PCDHGA8: variants seen among roughly 807,000 people sequenced by gnomAD.
The protein encoded by PCDHGA8 is protocadherin gamma-A8.
In PCDHGA8, 45 loss-of-function variants were observed where a neutral mutation model predicts 59.2. That is an observed-to-expected ratio of 0.76 (90% CI 0.60 to 0.98). PCDHGA8 has a LOEUF of 0.98. Among genes scored for constraint, PCDHGA8 ranks in the 50% least tolerant of loss-of-function variants. The pLI, the probability that PCDHGA8 is intolerant of heterozygous loss-of-function variation, is 0.00. For missense variants in PCDHGA8, 1,257 were observed against 1,196.2 expected (o/e 1.05, Z -0.75); for synonymous variants, 531 against 519.0 (o/e 1.02, Z -0.32).
chr5:141,486,637 G>A lies in PCDHGA8; in HGVS notation c.2425-8170G>A, dbSNP rs761072169. On this transcript the variant is annotated intron_variant, in intron 1 of 3. Transcript: ENST00000398604. The surrounding 1 kb of genome is among the most constrained non-coding windows in gnomAD (Gnocchi z 5.0). ...CTGACCCAGACTCTGGCTTGAATGC[G>A]CTTATCTCCTACTCACTCCTGGAGC... 3.1e-5 allele frequency: 50 copies of A among 1,613,520 alleles called. No individual in the cohort carries two copies. The highest frequency in any genetic ancestry group is 5.0e-5 in the Admixed American group (3 of 60,000).
Position 141,477,889 on chromosome 5 carries a change from A to T in PCDHGA8, c.2425-16918A>T. 1 of 1,614,152 alleles carries T rather than the reference A, an allele frequency of 6.2e-7. No homozygotes were observed. Among genetic ancestry groups the T allele is most frequent in the Admixed American group, 1.7e-5 (1 of 60,016 alleles). On this transcript the variant is annotated intron_variant, in intron 1 of 3. Coordinates refer to ENST00000398604, the MANE Select transcript of PCDHGA8 (RefSeq NM_032088.2). This position sits in a 1 kb window ranked among gnomAD's most constrained non-coding sequence, Gnocchi z 4.9. The stretch of plus-strand genomic sequence containing the variant: ...GTACCTCAGCTGGCCACCTAGTGTC[A>T]CGGGTGGTAGGCTGGGACGCGGATG...
chr5:141,448,894 G>A (rs2098614669), intron 1 of PCDHGA8, among the ~76,000 whole-genome samples: 2 of 152,098 alleles, frequency 1.3e-5, no homozygotes, highest in South Asian at 4.1e-4. Context: ...GCAGTGAGCC[G>A]AGATCGTGCC....
At chr5:141,433,604 G>A (rs2097631609) in intron 1 of PCDHGA8, among the ~76,000 whole-genome samples, 1 of 152,138 alleles carries the variant, frequency 6.6e-6, no homozygotes, top group Non-Finnish European at 1.5e-5. Flanking sequence ...GGGAGGCCGA[G>A]GCGGGTGGAT....
chr5:141,453,930 T>G (rs944390811), intron 1 of PCDHGA8, among the ~76,000 whole-genome samples: 10 of 152,242 alleles, frequency 6.6e-5, no homozygotes, highest in Non-Finnish European at 1.0e-4. Flanking sequence ...AGTCACTGTG[T>G]GCCTATAATT....
At chr5:141,492,822 C>T (rs1241767956) in intron 1 of PCDHGA8, among the ~76,000 whole-genome samples, 1 of 152,238 alleles carries the variant, frequency 6.6e-6, no homozygotes, top group Non-Finnish European at 1.5e-5. Context: ...GCACCAGCGG[C>T]CCCTTCCTCC....
intron 1 of PCDHGA8, chr5:141,415,772 T>TTA: frequency 7.5e-7 from 1 of 1,332,978 alleles, no homozygotes; most frequent in Non-Finnish European, 9.6e-7. Flanking sequence ...TTTTTTTTTT[T>TTA]ACTTTCTGGT....
At chr5:141,466,624 G>C (rs1279938026) in intron 1 of PCDHGA8, among the ~76,000 whole-genome samples, 1 of 152,038 alleles carries the variant, frequency 6.6e-6, no homozygotes, top group Non-Finnish European at 1.5e-5. Context: ...GTTTTCTTTG[G>C]AGCATTGTCT....
rs2099605485 is a variant in PCDHGA8 at position 141,485,030 on chromosome 5, G to A, written c.2425-9777G>A. 1 of 674,340 alleles carries A rather than the reference G, an allele frequency of 1.5e-6. No individual in the cohort carries two copies. Among genetic ancestry groups the A allele is most frequent in the East Asian group, 2.6e-5 (1 of 38,292 alleles). The allele number at this position is 674,340 out of a possible 1,614,324, so 41.8% of individuals were successfully genotyped here. A position where few individuals can be genotyped will look rare whatever the true frequency, so the allele number is the denominator to read the frequency against. ...CTACCCCGCCACCAGCAAAAACGGC[G>A]CGTAACCCTTGCGGCGCCGGCCGAA... On this transcript the variant is annotated intron_variant, in intron 1 of 3. Transcript: ENST00000398604. The surrounding 1 kb of genome is among the most constrained non-coding windows in gnomAD (Gnocchi z 5.7).
intron 3 of PCDHGA8, 96 bp downstream of exon 3, chr5:141,505,577 G>C: frequency 2.5e-6 from 4 of 1,589,854 alleles, no homozygotes; most frequent in Non-Finnish European, 3.4e-6. Flanking sequence ...TGTCAAACCT[G>C]TGTAGTTTCT....
At chr5:141,412,666 G>C (rs991501719) in intron 1 of PCDHGA8, 3 of 152,120 alleles carry the variant, frequency 2.0e-5, no homozygotes, top group African/African-American at 7.2e-5. Flanking sequence ...ACACTAATAT[G>C]ACCTAAAATA....
chr5:141,492,870 C>G (rs2099744684), intron 1 of PCDHGA8, among the ~76,000 whole-genome samples: 1 of 152,192 alleles, frequency 6.6e-6, no homozygotes, highest in African/African-American at 2.4e-5. Flanking sequence ...TGGCTCTCAA[C>G]CCCCAGAGAT....
chr5:141,438,319 T>C (rs934592523), intron 1 of PCDHGA8, among the ~76,000 whole-genome samples: 1 of 151,982 alleles, frequency 6.6e-6, no homozygotes, highest in African/African-American at 2.4e-5. Flanking sequence ...CACCATAATT[T>C]TTCTTATACA....
chr5:141,459,909 G>A (rs7446907), intron 1 of PCDHGA8, among the ~76,000 whole-genome samples: 42,418 of 152,010 alleles, frequency 0.28, 6,645 homozygotes, highest in African/African-American at 0.43. Flanking sequence ...TGAGCTATGG[G>A]AGTTTTAAAA....
intron 1 of PCDHGA8, among the ~76,000 whole-genome samples, chr5:141,435,357 T>C (rs749223776): frequency 6.6e-6 from 1 of 152,208 alleles, no homozygotes; most frequent in Non-Finnish European, 1.5e-5. Flanking sequence ...CATTTAAAAT[T>C]TTATCACTTA....
intron 1 of PCDHGA8, among the ~76,000 whole-genome samples, chr5:141,466,884 T>G (rs901947336): frequency 2.6e-5 from 4 of 152,212 alleles, no homozygotes; most frequent in Admixed American, 1.3e-4. Flanking sequence ...TTTCATAATA[T>G]GCATTTTCCA....
rs2233607 is a variant in PCDHGA8 at position 141,490,647 on chromosome 5, G to A, written c.2425-4160G>A. The A allele has an allele frequency of 2.5e-3, 3,973 of 1,614,082 alleles. 41 individuals carry two copies. The African/African-American group carries it at 0.027, about 11-fold the overall frequency. ...CTTACATCCTAGAAAACCGGCCTCC[G>A]GGCTCCCTTCTTTGCACTGTGGCTG... is the stretch of plus-strand genomic sequence containing the variant. On this transcript the variant is annotated intron_variant, in intron 1 of 3. Transcript: ENST00000398604. The surrounding 1 kb of genome is among the most constrained non-coding windows in gnomAD (Gnocchi z 5.4).
rs1188870363 is a variant in PCDHGA8 at position 141,490,058 on chromosome 5, C to T, written c.2425-4749C>T. ...AATGCCACTGATCCAGACGAGGGCA[C>T]CAACGGCCAACTAGACTATTCTTTT... On this transcript the variant is annotated intron_variant, in intron 1 of 3. Coordinates refer to ENST00000398604, the MANE Select transcript of PCDHGA8 (RefSeq NM_032088.2). The surrounding 1 kb of genome is among the most constrained non-coding windows in gnomAD (Gnocchi z 5.4). The T allele has an allele frequency of 6.2e-7, 1 of 1,614,230 alleles. No individual in the cohort carries two copies. Among genetic ancestry groups the T allele is most frequent in the South Asian group, 1.1e-5 (1 of 91,084 alleles).
Position 141,432,647 on chromosome 5 carries a change from C to G in PCDHGA8, c.2424+37410C>G, listed in dbSNP as rs747789886. The G allele has an allele frequency of 1.7e-5, 28 of 1,613,678 alleles. No individual in the cohort carries two copies. In the Admixed American group the frequency reaches 4.5e-4, roughly 26 times the overall value. ...GCACACGGGCGAGGTGCGCACGGCG[C>G]GAGCCCTGCTGGACAGAGACGCGCT... On this transcript the variant is annotated intron_variant, in intron 1 of 3. Coordinates refer to ENST00000398604, the MANE Select transcript of PCDHGA8 (RefSeq NM_032088.2). This position sits in a 1 kb window ranked among gnomAD's most constrained non-coding sequence, Gnocchi z 6.0.
At chr5:141,405,363 C>A (rs765508317) in intron 1 of PCDHGA8, 3 of 1,613,808 alleles carry the variant, frequency 1.9e-6, no homozygotes, top group South Asian at 1.1e-5. Context: ...ATAGAAGACA[C>A]CCCTTTGGTT....
Sources: gnomAD v4.1 joint callset for allele counts (sites outside exome capture counted in the v4.1 genomes callset) on GRCh38, gnomAD v4.1.1 for gene constraint, Gnocchi (gnomAD v3.1) non-coding constraint, MANE v1.5 for transcripts, NCBI Gene and HGNC (gene_info 2026-07-23, HGNC 2026-07-21) for gene names.